ZNF275: variants seen among roughly 807,000 people sequenced by gnomAD.
ZNF275 encodes the protein zinc finger protein 275.
A neutral mutation model predicts 4.3 loss-of-function variants in ZNF275; 4 were observed. That is an observed-to-expected ratio of 0.93 (90% CI 0.46 to 2.13). The LOEUF (loss-of-function observed/expected upper bound fraction) is 2.13. ZNF275 is among the 30% of genes most tolerant of loss of function. ZNF275 has a pLI of 0.02. For missense variants in ZNF275, 352 were observed against 397.1 expected (o/e 0.89, Z 0.97); for synonymous variants, 173 against 166.9 (o/e 1.04, Z -0.28).
chrX:153,336,844 G>C (rs1257581903), intron 2 of ZNF275, 134 bp downstream of exon 2: 1 of 603,105 alleles, frequency 1.7e-6, no homozygotes, highest in African/African-American at 2.2e-5. Flanking sequence ...TTTCATCTGT[G>C]CCACTGTTGC....
rs782000342 is a variant in ZNF275 at position 153,347,741 on chromosome X, C to T, written c.1056C>T (p.Gly352=). The T allele has an allele frequency of 1.2e-5, 14 of 1,209,050 alleles. No homozygotes were observed. The East Asian group carries it at 3.0e-4, about 26-fold the overall frequency. ...IHSGERPYAC[G]ECGKAFRGPS... ...GTGGCGAGCGGCCCTACGCATGCGG[C>T]GAGTGTGGCAAGGCCTTCCGTGGGC... Residue 352 remains glycine (G), a synonymous_variant, in exon 4 of 4, where the codon GGC becomes GGT. Coordinates refer to ENST00000650114, the MANE Select transcript of ZNF275 (RefSeq NM_001367757.1).
chrX:153,347,147 G>C lies in ZNF275; in HGVS notation c.462G>C (p.Ala154=). The change falls in exon 4 of 4, where the codon GCG becomes GCC. Residue 154 remains alanine, a synonymous_variant. Transcript: ENST00000650114. The part of the protein sequence containing the change: ...FNEHRKSHVA[A]EPQPGPSRAL... ...AGCACAGGAAAAGCCACGTAGCTGC[G>C]GAGCCCCAGCCCGGCCCCAGTAGGG... 8.3e-7 allele frequency: 1 copy of C among 1,210,258 alleles called. No homozygotes were observed. The highest frequency in any genetic ancestry group is 1.1e-6 in the Non-Finnish European group (1 of 894,659).
In ZNF275 at chrX:153,348,206, C is replaced by T. The variant is rs1437385324; in HGVS notation, c.*231C>T. On this transcript the variant is annotated 3_prime_UTR_variant, in exon 4 of 4. Transcript: ENST00000650114. Reference sequence around the variant, plus strand: ...GGTAGGAAGTACCATCAAGGTATTTCAGTCCACATGCCTTGAATCCAAGAA... The same window carrying T: ...GGTAGGAAGTACCATCAAGGTATTTTAGTCCACATGCCTTGAATCCAAGAA... 1 of 199,599 alleles carries T rather than the reference C, an allele frequency of 5.0e-6. No homozygotes were observed. The highest frequency in any genetic ancestry group is 3.1e-5 in the African/African-American group (1 of 32,665). The allele number at this position is 199,599 out of a possible 1,213,427, so 16.4% of individuals were successfully genotyped here.
rs782614563 is a variant in ZNF275, at chrX:153,347,529, G to A, written c.844G>A (p.Glu282Lys). ...CTTCCGAGGGGTCAACGGGCTGGCC[G>A]AGCACCAGCGCATCCACAGTGGGGC... is the stretch of plus-strand genomic sequence containing the variant. ...KSFRGVNGLA[E>K]HQRIHSGAKP... Residue 282 changes from glutamate to lysine, a missense_variant, in exon 4 of 4, where the codon GAG (glutamate) becomes AAG (lysine). Transcript: ENST00000650114. 4 of 1,190,752 alleles carry A rather than the reference G, an allele frequency of 3.4e-6. No individual in the cohort carries two copies. The highest frequency in any genetic ancestry group is 4.5e-6 in the Non-Finnish European group (4 of 885,594).
chrX:153,340,010 T>C (rs782115494), intron 2 of ZNF275, among the ~76,000 whole-genome samples: 5 of 112,147 alleles, frequency 4.5e-5, no homozygotes, highest in African/African-American at 6.5e-5. Flanking sequence ...CAATGTCAAT[T>C]GGAAGTGAAT....
Position 153,336,694 on chromosome X carries a change from G to T in ZNF275, c.15G>T (p.Pro5=). Residue 5 remains proline (P), a synonymous_variant, in exon 2 of 4, where the codon CCG becomes CCT. Coordinates refer to ENST00000650114, the MANE Select transcript of ZNF275 (RefSeq NM_001367757.1). ...AGTTCTGAGGCATGATGAGTCATCC[G>T]TGTGTGTCTCTTTTGGGTAAGTCTG... MMSH[P]CVSLLGVPVL... 8.6e-7 allele frequency: 1 copy of T among 1,167,688 alleles called. No individual in the cohort carries two copies. Among genetic ancestry groups the T allele is most frequent in the Non-Finnish European group, 1.1e-6 (1 of 872,918 alleles).
intron 1 of ZNF275, among the ~76,000 whole-genome samples, chrX:153,334,788 C>T (rs1556960419): frequency 9.6e-6 from 1 of 104,627 alleles, no homozygotes; most frequent in Non-Finnish European, 2.0e-5. Context: ...GGGACTGAGC[C>T]GCAGTCTGGG....
intron 2 of ZNF275, among the ~76,000 whole-genome samples, chrX:153,340,897 G>A (rs191550859): frequency 1.5e-4 from 17 of 112,025 alleles, no homozygotes; most frequent in South Asian, 3.7e-4. Flanking sequence ...ATCATCCTAC[G>A]TTGGCACCTG....
At position 153,348,582 on chromosome X, in the gene ZNF275, G is replaced by A. The variant is rs781858030; in HGVS notation, c.*607G>A. ...AATCATTTTACTCTGACTCCTCACCGTCTTCACCAACATGGGAACCCTGTT... is the reference window on the plus strand; with the variant it reads ...AATCATTTTACTCTGACTCCTCACCATCTTCACCAACATGGGAACCCTGTT... On this transcript the variant is annotated 3_prime_UTR_variant, in exon 4 of 4. Coordinates refer to ENST00000650114, the MANE Select transcript of ZNF275 (RefSeq NM_001367757.1). The A allele has an allele frequency of 2.5e-5, 3 of 122,077 alleles. No individual in the cohort carries two copies. The highest frequency in any genetic ancestry group is 3.9e-4 in the South Asian group (1 of 2,570). 10.1% of individuals were successfully genotyped at this position (122,077 alleles called of 1,213,427 possible). A position where few individuals can be genotyped will look rare whatever the true frequency, so the allele number is the denominator to read the frequency against.
In ZNF275 at chrX:153,348,047, G is replaced by A; in HGVS notation, c.*72G>A. The A allele has an allele frequency of 1.0e-6, 1 of 1,003,340 alleles. No individual in the cohort carries two copies. The highest frequency in any genetic ancestry group is 1.3e-6 in the Non-Finnish European group (1 of 767,254). 82.7% of individuals were successfully genotyped at this position (1,003,340 alleles called of 1,213,427 possible). ...ATGGCAGAGTCAAAGGAGATGAACA[G>A]TTTTGTAGCGCTTATATATTTTGTC... On this transcript the variant is annotated 3_prime_UTR_variant, in exon 4 of 4. Coordinates refer to ENST00000650114, the MANE Select transcript of ZNF275 (RefSeq NM_001367757.1).
rs1393306557 is a variant in ZNF275, at chrX:153,349,302, A to T, written c.*1327A>T. 1 of 123,974 alleles carries T rather than the reference A, an allele frequency of 8.1e-6. No individual in the cohort carries two copies. The highest frequency in any genetic ancestry group is 1.9e-5 in the Non-Finnish European group (1 of 53,378). 10.2% of individuals were successfully genotyped at this position (123,974 alleles called of 1,213,427 possible). On this transcript the variant is annotated 3_prime_UTR_variant, in exon 4 of 4. Coordinates refer to ENST00000650114, the MANE Select transcript of ZNF275 (RefSeq NM_001367757.1). ...GTGAAGGCCATCTGCTGTCATTGTC[A>T]TTGTCATAGTTATTGCCGTCATTCT...
intron 2 of ZNF275, among the ~76,000 whole-genome samples, chrX:153,343,187 C>T (rs1208416437): frequency 3.6e-5 from 4 of 112,506 alleles, no homozygotes; most frequent in Admixed American, 9.3e-5. Context: ...GTTACTCCAT[C>T]GCAGCCAAAC....
Position 153,347,875 on chromosome X carries a change from G to A in ZNF275, c.1190G>A (p.Arg397Gln), listed in dbSNP as rs782155372. The A allele has an allele frequency of 7.5e-6, 9 of 1,201,629 alleles. No individual in the cohort carries two copies. The East Asian group carries it at 1.2e-4, about 16-fold the overall frequency. Residue 397 changes from arginine to glutamine, a missense_variant, in exon 4 of 4, where the codon CGG becomes CAG. Arg to Gln is a conservative substitution (Grantham distance 43, BLOSUM62 1). Transcript: ENST00000650114. ...RRSSGLSRHR[R>Q]IHSGARRCEC... ...AGCTCCGGCCTCAGTCGCCACCGGCGGATCCACAGTGGGGCGCGGCGCTGC... is the reference window on the plus strand; with the variant it reads ...AGCTCCGGCCTCAGTCGCCACCGGCAGATCCACAGTGGGGCGCGGCGCTGC...
At chrX:153,344,523 A>G in intron 2 of ZNF275, 1 of 324,855 alleles carries the variant, frequency 3.1e-6, no homozygotes, top group Non-Finnish European at 5.9e-6. Flanking sequence ...TTCTCTTTTC[A>G]GGACTTCTTG....
Position 153,350,748 on chromosome X carries a change from G to A in ZNF275, c.*2773G>A, listed in dbSNP as rs1259248439. On this transcript the variant is annotated 3_prime_UTR_variant, in exon 4 of 4. Coordinates refer to ENST00000650114, the MANE Select transcript of ZNF275 (RefSeq NM_001367757.1). Reference sequence around the variant, plus strand: ...CACTTGTTACATAGTGATTCCTTTTGCCCTGTGGGCCTCAGTTCTTGCAGT... The same window carrying A: ...CACTTGTTACATAGTGATTCCTTTTACCCTGTGGGCCTCAGTTCTTGCAGT... 1 of 124,349 alleles carries A rather than the reference G, an allele frequency of 8.0e-6. No individual in the cohort carries two copies. The highest frequency in any genetic ancestry group is 1.9e-5 in the Non-Finnish European group (1 of 53,389). The allele number at this position is 124,349 out of a possible 1,213,427, so 10.2% of individuals were successfully genotyped here.
At chrX:153,335,676 G>C (rs1216582612) in intron 1 of ZNF275, 1 of 110,173 alleles carries the variant, frequency 9.1e-6, no homozygotes, top group Non-Finnish European at 1.9e-5. Flanking sequence ...ATTTCAGCAG[G>C]TTCCTGGGCA....
At chrX:153,338,016 A>C (rs928073827) in intron 2 of ZNF275, among the ~76,000 whole-genome samples, 3 of 110,945 alleles carry the variant, frequency 2.7e-5, no homozygotes, top group African/African-American at 9.9e-5. Flanking sequence ...AATGATTTTC[A>C]TGTTCTGTCT....
At position 153,347,813 on chromosome X, in the gene ZNF275, C is replaced by G. The variant is rs1425341266; in HGVS notation, c.1128C>G (p.Pro376=). The G allele has an allele frequency of 5.8e-6, 7 of 1,209,227 alleles. No individual in the cohort carries two copies. Among genetic ancestry groups the G allele is most frequent in the Non-Finnish European group, 7.8e-6 (7 of 894,231 alleles). The part of the protein sequence containing the change: ...KHRRIHSGLK[P]YECDKCGKAF... ...GGCGCATCCACAGCGGACTGAAACCCTATGAGTGCGACAAATGCGGCAAGG... is the reference window on the plus strand; with the variant it reads ...GGCGCATCCACAGCGGACTGAAACCGTATGAGTGCGACAAATGCGGCAAGG... The change falls in exon 4 of 4, where the codon CCC becomes CCG. Residue 376 remains proline (P), a synonymous_variant. Transcript: ENST00000650114.
rs782555517 is a variant in ZNF275, at chrX:153,348,012, C to G, written c.*37C>G. On this transcript the variant is annotated 3_prime_UTR_variant, in exon 4 of 4. Transcript: ENST00000650114. ...GGTCCCGCGGGACAGGGACGGAGTC[C>G]CCAGAGGGGATGGCAGAGTCAAAGG... 3 of 1,076,075 alleles carry G rather than the reference C, an allele frequency of 2.8e-6. No homozygotes were observed. Among genetic ancestry groups the G allele is most frequent in the Non-Finnish European group, 3.6e-6 (3 of 824,344 alleles). The allele number at this position is 1,076,075 out of a possible 1,213,427, so 88.7% of individuals were successfully genotyped here.
Sources: gnomAD v4.1 joint callset for allele counts (sites outside exome capture counted in the v4.1 genomes callset) on GRCh38, gnomAD v4.1.1 for gene constraint, MANE v1.5 for transcripts, NCBI Gene and HGNC (gene_info 2026-07-23, HGNC 2026-07-21) for gene names.